CCP110: variants seen among roughly 807,000 people sequenced by gnomAD.
CCP110 encodes the protein centriolar coiled-coil protein of 110 kDa.
In CCP110, 43 loss-of-function variants were observed where a neutral mutation model predicts 105.5. That is an observed-to-expected ratio of 0.41 (90% CI 0.32 to 0.53). The LOEUF is 0.53. CCP110 is among the 20% of genes least tolerant of loss of function. CCP110 has a pLI of 0.32. For missense variants in CCP110, 1,016 were observed against 1,189.1 expected, an observed-to-expected ratio of 0.85 and a Z score of 2.14; for synonymous variants, 353 against 392.1, an observed-to-expected ratio of 0.90 and a Z score of 1.18.
intron 1 of CCP110, chr16:19,526,018 C>G (rs544567001): frequency 3.9e-5 from 6 of 152,534 alleles, no homozygotes; most frequent in African/African-American, 1.2e-4. Context: ...TAAGGATCAT[C>G]TAGTAATTTG....
exon 15 of CCP110, chr16:19,552,521 T>A (rs561390972): frequency 2.1e-4 from 25 of 117,150 alleles, no homozygotes; most frequent in African/African-American, 1.2e-3. Context: ...AGCAAGACAC[T>A]GTCTCAAAAA....
At chr16:19,547,915 T>A (rs1262029719) in intron 12 of CCP110, 40 bp from the exon 13 acceptor site, 8 of 1,420,776 alleles carry the variant, frequency 5.6e-6, no homozygotes, top group Non-Finnish European at 8.0e-6. Context: ...AAAATGGAAT[T>A]TAACCTATTA....
intron 11 of CCP110, 97 bp from the exon 12 acceptor site, chr16:19,546,315 A>C: frequency 1.4e-6 from 1 of 719,264 alleles, no homozygotes. Flanking sequence ...ACCAGCTTCT[A>C]AATGATGATT....
intron 14 of CCP110, among the ~76,000 whole-genome samples, chr16:19,549,519 G>GTGTC (rs1190356396): frequency 6.6e-6 from 1 of 152,188 alleles, no homozygotes; most frequent in African/African-American, 2.4e-5. Flanking sequence ...GTAATTCATA[G>GTGTC]TGTCACACAT....
At chr16:19,542,832 T>C (rs1195459592) in intron 7 of CCP110, 46 bp from the exon 8 acceptor site, 1 of 1,523,550 alleles carries the variant, frequency 6.6e-7, no homozygotes, top group East Asian at 2.3e-5. Flanking sequence ...TCTTAGACTG[T>C]ATAAATGAAC....
chr16:19,531,568 A>T (rs1969867838), intron 2 of CCP110, among the ~76,000 whole-genome samples: 1 of 152,236 alleles, frequency 6.6e-6, no homozygotes, highest in South Asian at 2.1e-4. Flanking sequence ...TTATCTGTTT[A>T]TTTTATCATT....
chr16:19,538,626 GA>G (rs1241143161), intron 4 of CCP110, among the ~76,000 whole-genome samples: 1 of 152,000 alleles, frequency 6.6e-6, no homozygotes, highest in Non-Finnish European at 1.5e-5. Flanking sequence ...AGTCTTGCCT[GA>G]AACATCACTT....
chr16:19,536,061 C>A (rs372440972), exon 4 of CCP110: 15 of 1,613,766 alleles, frequency 9.3e-6, no homozygotes, highest in Non-Finnish European at 1.3e-5. Flanking sequence ...CCAAGCCATA[C>A]GGAACACTCT....
At chr16:19,545,674 A>G (rs969263782) in intron 10 of CCP110, 143 bp from the exon 11 acceptor site, 3 of 598,674 alleles carry the variant, frequency 5.0e-6, no homozygotes, top group Admixed American at 3.3e-5. Flanking sequence ...GACTGCTTCA[A>G]AAATACAAAA....
chr16:19,527,184 T>C (rs1349389707), intron 1 of CCP110: 1 of 152,168 alleles, frequency 6.6e-6, no homozygotes, highest in Admixed American at 6.5e-5. Flanking sequence ...ATCGATTTGC[T>C]CTTTTTTACC....
chr16:19,532,896 G>C (rs573811206), intron 3 of CCP110, among the ~76,000 whole-genome samples: 2 of 152,290 alleles, frequency 1.3e-5, no homozygotes, highest in East Asian at 3.9e-4. Flanking sequence ...TTGACTAAAT[G>C]ACCTTATTCT....
intron 14 of CCP110, among the ~76,000 whole-genome samples, chr16:19,550,758 T>A (rs1295202661): frequency 6.6e-6 from 1 of 152,258 alleles, no homozygotes; most frequent in Non-Finnish European, 1.5e-5. Flanking sequence ...TTTAGTTATT[T>A]ATAGTTTTAC....
intron 1 of CCP110, among the ~76,000 whole-genome samples, chr16:19,527,357 T>C (rs1969708485): frequency 7.2e-6 from 1 of 139,370 alleles, no homozygotes; most frequent in Non-Finnish European, 1.5e-5. Context: ...AGTGAGACCT[T>C]GTCTCTTTAA....
intron 4 of CCP110, among the ~76,000 whole-genome samples, chr16:19,538,141 C>T (rs1283281763): frequency 4.6e-5 from 7 of 151,898 alleles, no homozygotes; most frequent in African/African-American, 1.5e-4. Context: ...TAACTGCAAC[C>T]TCCACCTCCC....
At chr16:19,533,007 T>C (rs999075904) in intron 3 of CCP110, among the ~76,000 whole-genome samples, 3 of 152,256 alleles carry the variant, frequency 2.0e-5, no homozygotes, top group Non-Finnish European at 4.4e-5. Context: ...TTTAGATGCA[T>C]CCTATGTCTA....
At chr16:19,542,086 T>C (rs1970308920) in intron 6 of CCP110, 22 bp downstream of exon 6, 4 of 1,493,882 alleles carry the variant, frequency 2.7e-6, no homozygotes, top group East Asian at 2.3e-5. Context: ...AAAATCCTTT[T>C]ACATTTGGGA....
chr16:19,549,744 T>C (rs1970574686), intron 14 of CCP110, among the ~76,000 whole-genome samples: 2 of 152,236 alleles, frequency 1.3e-5, no homozygotes, highest in South Asian at 4.1e-4. Flanking sequence ...GTATTCTATA[T>C]TGCACTGAAA....
At chr16:19,528,684 C>T (rs1338612942) in intron 2 of CCP110, among the ~76,000 whole-genome samples, 1 of 152,058 alleles carries the variant, frequency 6.6e-6, no homozygotes, top group Non-Finnish European at 1.5e-5. Context: ...TTGCTTGAGA[C>T]CAGGAATTCA....
intron 3 of CCP110, among the ~76,000 whole-genome samples, chr16:19,532,888 G>A (rs1366312249): frequency 6.6e-6 from 1 of 152,134 alleles, no homozygotes; most frequent in African/African-American, 2.4e-5. Context: ...TTAGACTATT[G>A]ACTAAATGAC....
Sources: allele counts gnomAD v4.1 joint callset (sites outside exome capture counted in the v4.1 genomes callset), GRCh38; gene constraint gnomAD v4.1.1; transcripts MANE v1.5; gene names NCBI Gene and HGNC (gene_info 2026-07-23, HGNC 2026-07-21).